PRPSAP2: variants seen among roughly 807,000 people sequenced by gnomAD.
The protein encoded by PRPSAP2 is phosphoribosyl pyrophosphate synthase-associated protein 2.
PRPSAP2 carries 24 observed loss-of-function variants against 40.6 expected under a neutral mutation model. The ratio of observed to expected loss-of-function variants is 0.59; its 90% CI spans 0.43 to 0.83. The LOEUF (loss-of-function observed/expected upper bound fraction) is 0.83. PRPSAP2 is among the 40% of genes least tolerant of loss of function. The probability of loss-of-function intolerance (pLI) is 0.00; values close to 1 mark genes in which losing one functional copy is unlikely to be tolerated. For missense variants in PRPSAP2, 292 were observed against 465.6 expected, an observed-to-expected ratio of 0.63 and a Z score of 3.43; for synonymous variants, 149 against 164.7, an observed-to-expected ratio of 0.90 and a Z score of 0.73.
At chr17:18,923,806 T>C (rs1253642862) in intron 9 of PRPSAP2, 108 bp from the exon 10 acceptor site, 1 of 997,480 alleles carries the variant, frequency 1.0e-6, no homozygotes, top group East Asian at 2.7e-5. Context: ...GAAATTCCCT[T>C]GTATTCCTAG....
rs192272342 is a variant in PRPSAP2 at position 18,908,279 on chromosome 17, G to A, written c.585-2824G>A. 69 of 773,072 alleles carry A rather than the reference G, an allele frequency of 8.9e-5. No homozygotes were observed. The East Asian group carries it at 1.0e-3, about 11-fold the overall frequency. The allele number at this position is 773,072 out of a possible 1,614,324, so 47.9% of individuals were successfully genotyped here. Reference sequence around the variant, plus strand: ...AGCCGAGCTGCCGCTTTCGCAGCACGCCAAGGACACTCATGAGGACCATGA... The same window carrying A: ...AGCCGAGCTGCCGCTTTCGCAGCACACCAAGGACACTCATGAGGACCATGA... On this transcript the variant is annotated intron_variant, in intron 8 of 11. Coordinates refer to ENST00000268835, the MANE Select transcript of PRPSAP2 (RefSeq NM_002767.4).
At chr17:18,896,414 C>G (rs1429228007) in intron 8 of PRPSAP2, among the ~76,000 whole-genome samples, 1 of 152,066 alleles carries the variant, frequency 6.6e-6, no homozygotes, top group African/African-American at 2.4e-5. Context: ...CTCCCAGCAG[C>G]TTACAACTCT....
chr17:18,859,344 C>T (rs537083402), intron 1 of PRPSAP2: 2 of 152,366 alleles, frequency 1.3e-5, no homozygotes, highest in South Asian at 4.1e-4. Flanking sequence ...ATGCAGAATT[C>T]AGCGGGGTGC....
intron 4 of PRPSAP2, among the ~76,000 whole-genome samples, chr17:18,868,218 A>C (rs2037569918): frequency 6.6e-6 from 1 of 152,110 alleles, no homozygotes; most frequent in South Asian, 2.1e-4. Flanking sequence ...TCACGCCTGT[A>C]ATCCCAGCAC....
In PRPSAP2 at chr17:18,908,856, G is replaced by A. The variant is rs1190228252; in HGVS notation, c.585-2247G>A. 4 of 644,516 alleles carry A rather than the reference G, an allele frequency of 6.2e-6. No individual in the cohort carries two copies. The Admixed American group carries it at 9.8e-5, about 16-fold the overall frequency. The allele number at this position is 644,516 out of a possible 1,614,324, so 39.9% of individuals were successfully genotyped here. A position where few individuals can be genotyped will look rare whatever the true frequency, so the allele number is the denominator to read the frequency against. On this transcript the variant is annotated intron_variant, in intron 8 of 11. Transcript: ENST00000268835. ...AGGAAACCAAGGAGGATGCTGAGGA[G>A]AAGCAATAAATCATCTTATTTTATT...
chr17:18,928,469 A>G, intron 10 of PRPSAP2: 1 of 291,078 alleles, frequency 3.4e-6, no homozygotes, highest in African/African-American at 2.2e-5. Flanking sequence ...AAACAAAAAA[A>G]GAAAATTATA....
At chr17:18,885,818 C>T (rs2039102122) in intron 7 of PRPSAP2, among the ~76,000 whole-genome samples, 1 of 152,146 alleles carries the variant, frequency 6.6e-6, no homozygotes, top group Non-Finnish European at 1.5e-5. Flanking sequence ...AACTCCTGAC[C>T]TCAGGTGATC....
At chr17:18,886,929 CTTTTTTTTTTTTTTTTTT>C (rs71155365) in intron 7 of PRPSAP2, among the ~76,000 whole-genome samples, 1 of 75,372 alleles carries the variant, frequency 1.3e-5, no homozygotes, top group Non-Finnish European at 2.4e-5. Context: ...TTCTTTTCTT[CTTTTTTTTTTTTTTTTTT>C]TTTTTTGAGA....
At chr17:18,920,218 G>A (rs1034919700) in intron 9 of PRPSAP2, among the ~76,000 whole-genome samples, 3 of 152,166 alleles carry the variant, frequency 2.0e-5, no homozygotes, top group East Asian at 1.9e-4. Flanking sequence ...GATGAGGAAC[G>A]CGTTGGCAGT....
At chr17:18,908,483 G>A (rs1378371339) in intron 8 of PRPSAP2, 5 of 759,658 alleles carry the variant, frequency 6.6e-6, no homozygotes, top group Admixed American at 3.5e-5. Context: ...GTGAGGCACC[G>A]GCAACGTCAA....
Position 18,865,853 on chromosome 17 carries a change from CT to C in PRPSAP2, c.21del (p.Glu8AsnfsTer2). On this transcript the variant is annotated frameshift_variant, in exon 3 of 12. Transcript: ENST00000268835. LOFTEE classifies it high-confidence loss of function. ...GTTTTGATGTTTTGTGTGACGCCAC[CT>C]GAATTAGAAACCAAGATGAACATAA... Reference protein sequence around the residue: MFCVTPPELETKMNITK... With the variant: MFCVTPXELETKMNITK... 1 of 1,514,614 alleles carries C rather than the reference CT, an allele frequency of 6.6e-7. No homozygotes were observed. The highest frequency in any genetic ancestry group is 8.9e-7 in the Non-Finnish European group (1 of 1,120,408). The allele number at this position is 1,514,614 out of a possible 1,614,324, so 93.8% of individuals were successfully genotyped here.
At chr17:18,893,251 C>T (rs971237859) in intron 8 of PRPSAP2, among the ~76,000 whole-genome samples, 27 of 150,432 alleles carry the variant, frequency 1.8e-4, no homozygotes, top group Middle Eastern at 3.4e-3. Flanking sequence ...CGGGTACAAG[C>T]GAGTCTCCTG....
intron 10 of PRPSAP2, among the ~76,000 whole-genome samples, chr17:18,925,249 A>G (rs1423402461): frequency 6.6e-6 from 1 of 152,224 alleles, no homozygotes; most frequent in Non-Finnish European, 1.5e-5. Context: ...AATAGAATGA[A>G]CACTGGGTAC....
intron 6 of PRPSAP2, among the ~76,000 whole-genome samples, chr17:18,880,170 C>G (rs1364899959): frequency 6.6e-6 from 1 of 152,188 alleles, no homozygotes; most frequent in Non-Finnish European, 1.5e-5. Context: ...AACACTATGA[C>G]AGGCAGCTGG....
At chr17:18,867,525 T>G (rs1252141641) in intron 4 of PRPSAP2, among the ~76,000 whole-genome samples, 191 bp downstream of exon 4, 1 of 152,218 alleles carries the variant, frequency 6.6e-6, no homozygotes, top group African/African-American at 2.4e-5. Context: ...CTAACCCTGG[T>G]GCAAGTCATT....
At chr17:18,866,241 T>A (rs2037416542) in intron 3 of PRPSAP2, among the ~76,000 whole-genome samples, 1 of 152,036 alleles carries the variant, frequency 6.6e-6, no homozygotes, top group Non-Finnish European at 1.5e-5. Flanking sequence ...TTGTGTTAGA[T>A]GCTATATATA....
At chr17:18,918,465 C>T (rs1382730932) in intron 9 of PRPSAP2, among the ~76,000 whole-genome samples, 2 of 152,168 alleles carry the variant, frequency 1.3e-5, no homozygotes, top group South Asian at 4.1e-4. Context: ...AGCCTGACTA[C>T]CAGGAGGCCC....
Position 18,914,968 on chromosome 17 carries a change from C to T in PRPSAP2, c.733+3717C>T, listed in dbSNP as rs553363454. Among the ~76,000 whole-genome samples the T allele has an allele frequency of 7.7e-4, 117 of 151,652 alleles. 2 individuals are homozygous for T. The highest frequency in any genetic ancestry group is 1.5e-3 in the Non-Finnish European group (104 of 67,960). On this transcript the variant is annotated intron_variant, in intron 9 of 11. Transcript: ENST00000268835. ...TCAAAACTCCTGAACTCAAGTGGTC[C>T]GCCTGCCTCAGCCTCCCAAAGTGCT... is the stretch of plus-strand genomic sequence containing the variant.
At chr17:18,906,698 GTGTTTGTTTGTT>G (rs371523302) in intron 8 of PRPSAP2, among the ~76,000 whole-genome samples, 2 of 151,562 alleles carry the variant, frequency 1.3e-5, no homozygotes, top group South Asian at 2.1e-4. Context: ...AGTTTTTTGT[GTGTTTGTTTGTT>G]TGTTTGTTCG....
Sources: allele counts gnomAD v4.1 joint callset (sites outside exome capture counted in the v4.1 genomes callset), GRCh38; gene constraint gnomAD v4.1.1; transcripts MANE v1.5; gene names NCBI Gene and HGNC (gene_info 2026-07-23, HGNC 2026-07-21).